SND1: variants seen among roughly 807,000 people sequenced by gnomAD.
SND1 encodes the protein staphylococcal nuclease and tudor domain containing 1, also known as staphylococcal nuclease domain-containing protein 1.
In SND1, 38 loss-of-function variants were observed where a neutral mutation model predicts 121.7. That is an observed-to-expected ratio of 0.31 (90% confidence interval 0.24 to 0.41). The LOEUF is 0.41. Ranked by LOEUF, SND1 falls within the 10% of genes least tolerant of loss-of-function variation. The pLI is 1.00. For synonymous variants in SND1, 401 were observed against 447.4 expected (o/e 0.90, Z 1.31); for missense variants, 868 against 1,184.6 (o/e 0.73, Z 3.92).
chr7:128,017,620 TC>T (rs1393785568), intron 16 of SND1, among the ~76,000 whole-genome samples: 1 of 152,174 alleles, frequency 6.6e-6, no homozygotes, highest in African/African-American at 2.4e-5. Context: ...CCACACCTGA[TC>T]CCATCTCAAG....
intron 16 of SND1, among the ~76,000 whole-genome samples, chr7:128,013,582 C>T (rs1000777938): frequency 5.3e-5 from 8 of 152,198 alleles, no homozygotes; most frequent in African/African-American, 1.7e-4. Flanking sequence ...TCATGGAAGA[C>T]AATTTTTCCA....
At position 127,889,352 on chromosome 7, in the gene SND1, G is replaced by GT. The variant is rs1283643906; in HGVS notation, c.1454+1350dup. Among the ~76,000 whole-genome samples the GT allele has an allele frequency of 8.6e-4, 125 of 144,786 alleles. 1 individual carries two copies. The Middle Eastern group carries it at 0.018, about 21-fold the overall frequency. 95.0% of individuals were successfully genotyped at this position (144,786 alleles called of 152,430 possible). A position where few individuals can be genotyped will look rare whatever the true frequency, so the allele number is the denominator to read the frequency against. ...TTTCTCATGATCTTGGTTCTGTTTT[G>GT]TTTTTTTTTTAATTTTTTTAATTTT... On this transcript the variant is annotated intron_variant, in intron 13 of 23. Transcript: ENST00000354725.
chr7:128,078,920 G>A (rs1220361587), intron 17 of SND1, among the ~76,000 whole-genome samples: 1 of 152,224 alleles, frequency 6.6e-6, no homozygotes, highest in Non-Finnish European at 1.5e-5. Context: ...AGAGGGAAGA[G>A]CACCTGCATG....
intron 10 of SND1, among the ~76,000 whole-genome samples, chr7:127,773,190 A>G (rs1390308631): frequency 1.3e-5 from 2 of 152,248 alleles, no homozygotes; most frequent in Non-Finnish European, 2.9e-5. Context: ...GTGGTGGCTC[A>G]CGCCTGTAAT....
intron 10 of SND1, among the ~76,000 whole-genome samples, chr7:127,747,797 C>A (rs1370578927): frequency 1.3e-5 from 2 of 152,194 alleles, no homozygotes; most frequent in Admixed American, 1.3e-4. Flanking sequence ...GTCAATGTCA[C>A]CATGTCGTAT....
chr7:127,730,538 T>C (rs931982650), intron 10 of SND1, among the ~76,000 whole-genome samples: 1 of 152,246 alleles, frequency 6.6e-6, no homozygotes, highest in Non-Finnish European at 1.5e-5. Context: ...ATATCCCCTT[T>C]ATGTGTGTTC....
At chr7:127,692,179 G>A (rs981195564) in intron 2 of SND1, among the ~76,000 whole-genome samples, 1 of 152,122 alleles carries the variant, frequency 6.6e-6, no homozygotes, top group African/African-American at 2.4e-5. Flanking sequence ...TCTTGTCCTG[G>A]TAGTTTTAAG....
chr7:127,736,400 A>G (rs979224787), intron 10 of SND1, among the ~76,000 whole-genome samples: 3 of 152,228 alleles, frequency 2.0e-5, no homozygotes, highest in Non-Finnish European at 2.9e-5. Context: ...TTCCTGAAAC[A>G]TGATTTTTAA....
intron 10 of SND1, among the ~76,000 whole-genome samples, chr7:127,787,876 G>A (rs952666876): frequency 1.3e-5 from 2 of 152,130 alleles, no homozygotes; most frequent in African/African-American, 4.8e-5. Flanking sequence ...GGAGGGGAGG[G>A]GAAGAAGTTG....
chr7:128,070,133 C>A (rs950897152), intron 16 of SND1, among the ~76,000 whole-genome samples: 1 of 152,232 alleles, frequency 6.6e-6, no homozygotes, highest in African/African-American at 2.4e-5. Flanking sequence ...GACCTTCAAG[C>A]CTCTAGGCTG....
intron 10 of SND1, among the ~76,000 whole-genome samples, chr7:127,746,649 A>G (rs1796988104): frequency 6.6e-6 from 1 of 152,102 alleles, no homozygotes; most frequent in South Asian, 2.1e-4. Flanking sequence ...AGATATTTTG[A>G]TTGGCTTTAT....
Position 127,759,854 on chromosome 7 carries a change from T to C in SND1, c.1152+38454T>C, listed in dbSNP as rs946513422. Reference sequence around the variant, plus strand: ...TCCAACAGTGAGAAGCCTTTGCTTCTGTTACCTTTAATGTATTTACTGATT... The same window carrying C: ...TCCAACAGTGAGAAGCCTTTGCTTCCGTTACCTTTAATGTATTTACTGATT... On this transcript the variant is annotated intron_variant, in intron 10 of 23. Coordinates refer to ENST00000354725, the MANE Select transcript of SND1 (RefSeq NM_014390.4). Among the ~76,000 whole-genome samples, 5 of 152,360 alleles carry C rather than the reference T, an allele frequency of 3.3e-5. No homozygotes were observed. In the South Asian group the frequency reaches 1.0e-3, roughly 32 times the overall value.
chr7:127,800,188 G>T (rs1312972171), intron 10 of SND1, among the ~76,000 whole-genome samples: 1 of 152,220 alleles, frequency 6.6e-6, no homozygotes, highest in Admixed American at 6.5e-5. Flanking sequence ...AAAATGGCAT[G>T]TGTGGCAGGG....
At chr7:127,660,012 T>C (rs1795280765) in intron 1 of SND1, among the ~76,000 whole-genome samples, 1 of 136,052 alleles carries the variant, frequency 7.4e-6, no homozygotes, top group Non-Finnish European at 1.6e-5. Flanking sequence ...TCCTATTCTT[T>C]TTTTTTTTTT....
intron 3 of SND1, among the ~76,000 whole-genome samples, chr7:127,697,939 T>C (rs1267681187): frequency 6.6e-6 from 1 of 152,150 alleles, no homozygotes; most frequent in Non-Finnish European, 1.5e-5. Context: ...TATTAAAGAT[T>C]TTTATGTGAT....
chr7:127,698,780 T>G (rs1587604106), intron 3 of SND1, 95 bp from the exon 4 acceptor site: 2 of 918,594 alleles, frequency 2.2e-6, no homozygotes, highest in East Asian at 4.9e-5. Flanking sequence ...TTATTCTCCT[T>G]GAGGAGCTAA....
At chr7:127,979,696 A>C (rs1802213447) in intron 15 of SND1, among the ~76,000 whole-genome samples, 1 of 152,210 alleles carries the variant, frequency 6.6e-6, no homozygotes, top group South Asian at 2.1e-4. Flanking sequence ...GAACATACTG[A>C]TATATTGGTT....
intron 10 of SND1, among the ~76,000 whole-genome samples, chr7:127,786,842 C>T (rs1013056781): frequency 6.6e-6 from 1 of 152,134 alleles, no homozygotes; most frequent in Non-Finnish European, 1.5e-5. Context: ...CGGGGTTTCA[C>T]CGTGTTAGCC....
At chr7:127,734,542 G>A (rs992109541) in intron 10 of SND1, among the ~76,000 whole-genome samples, 22 of 152,294 alleles carry the variant, frequency 1.4e-4, no homozygotes, top group Admixed American at 1.3e-4. Context: ...TGCCTCCAGC[G>A]TGTGCAGGCA....
Sources: gnomAD v4.1 joint callset for allele counts (sites outside exome capture counted in the v4.1 genomes callset) on GRCh38, gnomAD v4.1.1 for gene constraint, MANE v1.5 for transcripts, NCBI Gene and HGNC (gene_info 2026-07-23, HGNC 2026-07-21) for gene names.